CACNA2D3: variants seen among roughly 807,000 people sequenced by gnomAD.
CACNA2D3 encodes calcium voltage-gated channel auxiliary subunit alpha2delta 3.
Under a neutral mutation model 160.6 loss-of-function variants are expected in CACNA2D3, and 60 were observed. The observed-to-expected ratio is 0.37, with a 90% CI of 0.30 to 0.46. The LOEUF (loss-of-function observed/expected upper bound fraction) is 0.46. CACNA2D3 is among the 20% of genes least tolerant of loss of function. The pLI, the probability that CACNA2D3 is intolerant of heterozygous loss-of-function variation, is 1.00. For missense variants in CACNA2D3, 1,205 were observed against 1,365.0 expected (o/e 0.88, Z 1.85); for synonymous variants, 558 against 492.9 (o/e 1.13, Z -1.75).
intron 11 of CACNA2D3, among the ~76,000 whole-genome samples, chr3:54,735,863 GAAAA>G (rs912258943): frequency 6.8e-6 from 1 of 147,726 alleles, no homozygotes; most frequent in Non-Finnish European, 1.5e-5. Context: ...AGAAAATTTG[GAAAA>G]AAAATAAAAA....
At chr3:54,347,011 C>T (rs1294238451) in intron 3 of CACNA2D3, among the ~76,000 whole-genome samples, 4 of 152,154 alleles carry the variant, frequency 2.6e-5, no homozygotes, top group Admixed American at 6.5e-5. Context: ...GGTTTAGATT[C>T]GGGCAAGTGG....
intron 31 of CACNA2D3, among the ~76,000 whole-genome samples, chr3:55,002,928 C>T (rs1426987808): frequency 6.6e-6 from 1 of 152,158 alleles, no homozygotes; most frequent in East Asian, 1.9e-4. Context: ...TTGCAGTTGA[C>T]CACTTTGTTC....
At chr3:54,343,265 AGGAGGGCT>A (rs1354810196) in intron 3 of CACNA2D3, among the ~76,000 whole-genome samples, 1 of 151,966 alleles carries the variant, frequency 6.6e-6, no homozygotes, top group Non-Finnish European at 1.5e-5. Flanking sequence ...ATAAACTTAG[AGGAGGGCT>A]GGAGAGTTGG....
intron 11 of CACNA2D3, among the ~76,000 whole-genome samples, chr3:54,727,560 T>C (rs1575444121): frequency 6.6e-6 from 1 of 152,210 alleles, no homozygotes; most frequent in South Asian, 2.1e-4. Context: ...ATATACACCA[T>C]GGAATACTAT....
At chr3:54,444,765 A>G (rs1022750336) in intron 4 of CACNA2D3, among the ~76,000 whole-genome samples, 2 of 152,226 alleles carry the variant, frequency 1.3e-5, no homozygotes, top group African/African-American at 2.4e-5. Flanking sequence ...TCTGAATAAC[A>G]TGACTATAGG....
At chr3:54,155,136 T>C (rs940034112) in intron 2 of CACNA2D3, among the ~76,000 whole-genome samples, 3 of 152,256 alleles carry the variant, frequency 2.0e-5, no homozygotes, top group Admixed American at 1.3e-4. Flanking sequence ...AAATGGAACA[T>C]TGGAAAAGTG....
At chr3:54,823,200 A>G (rs561340124) in intron 14 of CACNA2D3, among the ~76,000 whole-genome samples, 1 of 152,142 alleles carries the variant, frequency 6.6e-6, no homozygotes, top group Admixed American at 6.6e-5. Context: ...CTTCATATCA[A>G]ACAACCTCAT....
At chr3:55,006,997 A>G (rs1703110471) in intron 32 of CACNA2D3, among the ~76,000 whole-genome samples, 1 of 152,170 alleles carries the variant, frequency 6.6e-6, no homozygotes, top group Non-Finnish European at 1.5e-5. Flanking sequence ...TGCCAGCGTC[A>G]TTGTCTGTCT....
intron 13 of CACNA2D3, among the ~76,000 whole-genome samples, chr3:54,781,601 A>G (rs1317289): frequency 0.025 from 3,828 of 152,326 alleles, 190 homozygotes; most frequent in African/African-American, 0.087. Flanking sequence ...TAGGAAATAC[A>G]GCCTAAGTCC....
chr3:54,876,462 G>C (rs534095165), intron 18 of CACNA2D3, among the ~76,000 whole-genome samples: 78 of 152,316 alleles, frequency 5.1e-4, no homozygotes, highest in Admixed American at 7.8e-4. Flanking sequence ...ATAGTACTTA[G>C]AGCTCGTAGA....
At chr3:54,790,067 T>C (rs974083292) in intron 13 of CACNA2D3, among the ~76,000 whole-genome samples, 1 of 152,220 alleles carries the variant, frequency 6.6e-6, no homozygotes, top group Non-Finnish European at 1.5e-5. Flanking sequence ...GATTCCTGGA[T>C]TACACTTTCC....
intron 13 of CACNA2D3, among the ~76,000 whole-genome samples, chr3:54,813,183 C>T (rs1703363943): frequency 6.6e-6 from 1 of 152,172 alleles, no homozygotes; most frequent in Non-Finnish European, 1.5e-5. Context: ...TTCAGTTATA[C>T]AGAGAATCCT....
intron 33 of CACNA2D3, among the ~76,000 whole-genome samples, chr3:55,008,796 G>A (rs1054737988): frequency 2.0e-5 from 3 of 151,420 alleles, no homozygotes. Context: ...TATTATTTTT[G>A]TAGTCTTTAC....
intron 3 of CACNA2D3, among the ~76,000 whole-genome samples, chr3:54,357,320 A>G (rs1031200305): frequency 8.5e-5 from 13 of 152,240 alleles, no homozygotes; most frequent in African/African-American, 3.1e-4. Context: ...TGAATATCAA[A>G]TCTTGCCTCT....
intron 2 of CACNA2D3, among the ~76,000 whole-genome samples, chr3:54,194,253 A>C (rs567686268): frequency 1.3e-5 from 2 of 152,350 alleles, no homozygotes; most frequent in South Asian, 4.1e-4. Context: ...AGAAATAATA[A>C]ATATGCAAGA....
chr3:54,784,332 C>G (rs1702593022), intron 13 of CACNA2D3, among the ~76,000 whole-genome samples: 1 of 152,164 alleles, frequency 6.6e-6, no homozygotes, highest in Admixed American at 6.5e-5. Context: ...GCCAATTAAC[C>G]TTGGGGCTAA....
intron 2 of CACNA2D3, among the ~76,000 whole-genome samples, chr3:54,249,588 C>CACACACACACACACACACACA (rs58638743): frequency 6.8e-6 from 1 of 147,570 alleles, no homozygotes; most frequent in African/African-American, 2.5e-5. Flanking sequence ...CACACACACA[C>CACACACACACACACACACACA]CAGGCTACAT....
In CACNA2D3 at chr3:54,960,465, G is replaced by A. The variant is rs1401257461; in HGVS notation, c.2450-7985G>A. On this transcript the variant is annotated intron_variant, in intron 27 of 37. Coordinates refer to ENST00000474759, the MANE Select transcript of CACNA2D3 (RefSeq NM_018398.3). Reference sequence around the variant, plus strand: ...CACTTGCACTAGGCTAAAATATGAGGTGTTTCTGCTGCTGTGAGAATTTTT... The same window carrying A: ...CACTTGCACTAGGCTAAAATATGAGATGTTTCTGCTGCTGTGAGAATTTTT... 3.9e-5 allele frequency among the ~76,000 whole-genome samples: 6 copies of A among 152,196 alleles called. No individual in the cohort carries two copies. In the East Asian group the frequency reaches 1.2e-3, roughly 29 times the overall value.
chr3:54,142,406 A>T (rs1382698093), intron 2 of CACNA2D3, among the ~76,000 whole-genome samples: 1 of 152,174 alleles, frequency 6.6e-6, no homozygotes, highest in Non-Finnish European at 1.5e-5. Flanking sequence ...CTCAGTTGCT[A>T]CTGCCTTCAG....
Sources: allele counts gnomAD v4.1 joint callset (sites outside exome capture counted in the v4.1 genomes callset), GRCh38; gene constraint gnomAD v4.1.1; transcripts MANE v1.5; gene names NCBI Gene and HGNC (gene_info 2026-07-23, HGNC 2026-07-21).